STK26: variants seen among roughly 807,000 people sequenced by gnomAD.
STK26 encodes serine/threonine-protein kinase 26.
In STK26, 14 loss-of-function variants were observed where a neutral mutation model predicts 34.7. That is an observed-to-expected ratio of 0.40 (90% CI 0.27 to 0.63). STK26 has a LOEUF of 0.63. Among genes scored for constraint, STK26 ranks in the 30% least tolerant of loss-of-function variants. STK26 has a pLI of 0.38. For synonymous variants in STK26, 100 were observed against 109.8 expected (o/e 0.91, Z 0.56); for missense variants, 226 against 309.1 (o/e 0.73, Z 2.02).
intron 2 of STK26, among the ~76,000 whole-genome samples, chrX:132,041,477 TA>T (rs1356723763): frequency 9.0e-6 from 1 of 111,708 alleles, no homozygotes; most frequent in Non-Finnish European, 1.9e-5. Context: ...ACTCAAGTTG[TA>T]AATTACTGAT....
intron 9 of STK26, 88 bp from the exon 10 acceptor site, chrX:132,072,725 T>C: frequency 1.0e-6 from 1 of 967,439 alleles, no homozygotes. Context: ...CAGTAGGGGA[T>C]TCAAATTAGT....
At chrX:132,043,270 G>C (rs1372828744) in intron 2 of STK26, among the ~76,000 whole-genome samples, 1 of 111,796 alleles carries the variant, frequency 8.9e-6, no homozygotes, top group Non-Finnish European at 1.9e-5. Flanking sequence ...CTAACCAAAG[G>C]CATTTATTTC....
intron 4 of STK26, among the ~76,000 whole-genome samples, chrX:132,065,949 T>C (rs1422908573): frequency 9.0e-6 from 1 of 111,672 alleles, no homozygotes; most frequent in African/African-American, 3.3e-5. Context: ...ATAAATGCTA[T>C]CATTTGGGGG....
In STK26 at chrX:132,071,155, T is replaced by G. The variant is rs1427897950; in HGVS notation, c.870T>G (p.Arg290=). 1 of 1,208,392 alleles carries G rather than the reference T, an allele frequency of 8.3e-7. No individual in the cohort carries two copies. The highest frequency in any genetic ancestry group is 1.1e-6 in the Non-Finnish European group (1 of 893,699). ...KTSYLTELID[R]FKRWKAEGHS... ...CTTATCTGACTGAACTGATAGATCG[T>G]TTTAAGAGATGGAAGGCAGAAGGAC... The change falls in exon 8 of 12, where the codon CGT becomes CGG. Residue 290 remains arginine (R), a synonymous_variant. Coordinates refer to ENST00000394334, the MANE Select transcript of STK26 (RefSeq NM_016542.4).
intron 7 of STK26, 96 bp downstream of exon 7, chrX:132,069,759 T>A: frequency 1.9e-6 from 1 of 528,477 alleles, no homozygotes; most frequent in Non-Finnish European, 2.6e-6. Context: ...ACAGTGTATG[T>A]GAGAATTGTC....
intron 4 of STK26, among the ~76,000 whole-genome samples, chrX:132,065,444 C>G (rs1927189963): frequency 2.7e-5 from 3 of 111,694 alleles, no homozygotes. Context: ...CTAGGCCACT[C>G]TGTTCAACAG....
chrX:132,063,489 TGTAA>T lies in STK26; in HGVS notation c.330+4_330+7del. The stretch of plus-strand genomic sequence containing the variant: ...TGGGCGGTGGTTCAGCACTGGATCT[TGTAA>T]GTATTTTAAAATAGTTACACACAGA... On this transcript the variant is annotated splice_donor_variant and splice_donor_region_variant and intron_variant, in intron 4 of 11. Coordinates refer to ENST00000394334, the MANE Select transcript of STK26 (RefSeq NM_016542.4). LOFTEE classifies it high-confidence loss of function. The T allele has an allele frequency of 1.7e-6, 2 of 1,203,074 alleles. No individual in the cohort carries two copies. Among genetic ancestry groups the T allele is most frequent in the Non-Finnish European group, 2.2e-6 (2 of 889,758 alleles).
intron 4 of STK26, 61 bp downstream of exon 4, chrX:132,063,550 T>G: frequency 1.9e-6 from 2 of 1,047,632 alleles, no homozygotes; most frequent in South Asian, 4.3e-5. Flanking sequence ...ATACCTTAAT[T>G]TTTTAAATTG....
chrX:132,036,913 A>G (rs1926073151), intron 2 of STK26, among the ~76,000 whole-genome samples: 1 of 112,420 alleles, frequency 8.9e-6, no homozygotes, highest in Non-Finnish European at 1.9e-5. Flanking sequence ...AATAGTAGTT[A>G]CAACTATTTT....
chrX:132,027,092 A>G (rs941265663), intron 2 of STK26, among the ~76,000 whole-genome samples: 2 of 112,238 alleles, frequency 1.8e-5, no homozygotes, highest in Admixed American at 9.4e-5. Flanking sequence ...CACTGTAAGT[A>G]TAATAGAAGT....
intron 2 of STK26, among the ~76,000 whole-genome samples, chrX:132,035,780 C>T (rs1265217645): frequency 9.8e-6 from 1 of 101,658 alleles, no homozygotes. Flanking sequence ...ATTATTATGT[C>T]CCCCCCTCAA....
chrX:132,024,833 T>C (rs888053201), intron 2 of STK26, among the ~76,000 whole-genome samples: 1 of 109,540 alleles, frequency 9.1e-6, no homozygotes, highest in African/African-American at 3.3e-5. Context: ...TGGGATTTAT[T>C]TGTGCACCTA....
intron 2 of STK26, among the ~76,000 whole-genome samples, chrX:132,024,454 A>T (rs2124114371): frequency 8.9e-6 from 1 of 111,896 alleles, no homozygotes; most frequent in East Asian, 2.8e-4. Flanking sequence ...CTATGTCAGA[A>T]AACTTTTTAT....
intron 4 of STK26, among the ~76,000 whole-genome samples, chrX:132,065,632 TAAC>T (rs1927196089): frequency 8.9e-6 from 1 of 112,454 alleles, no homozygotes; most frequent in Non-Finnish European, 1.9e-5. Flanking sequence ...TAGCCATTAA[TAAC>T]AGTTTCAATG....
Position 132,028,308 on chromosome X carries a change from T to TA in STK26, c.42+4652dup, listed in dbSNP as rs377008710. 6.0e-3 allele frequency among the ~76,000 whole-genome samples: 667 copies of TA among 111,393 alleles called. 5 individuals carry two copies. The highest frequency in any genetic ancestry group is 0.021 in the African/African-American group (635 of 30,564). On this transcript the variant is annotated intron_variant, in intron 2 of 11. Coordinates refer to ENST00000394334, the MANE Select transcript of STK26 (RefSeq NM_016542.4). ...ATTAGCTAGTTTCAGAAGGAAAAGT[T>TA]AAAGACTGTGGTGTTTAATAGGAGG...
chrX:132,046,103 A>G (rs1377752760), intron 2 of STK26, among the ~76,000 whole-genome samples: 2 of 112,045 alleles, frequency 1.8e-5, no homozygotes, highest in African/African-American at 6.5e-5. Context: ...GTGACAATAG[A>G]ATCAAAGAAA....
chrX:132,051,508 T>C (rs936829269), intron 2 of STK26, among the ~76,000 whole-genome samples: 1 of 111,753 alleles, frequency 8.9e-6, no homozygotes, highest in African/African-American at 3.3e-5. Flanking sequence ...AGCTCTTTTT[T>C]TGGGGCAGCT....
chrX:132,073,494 T>C (rs2124198213), intron 11 of STK26, among the ~76,000 whole-genome samples: 1 of 111,864 alleles, frequency 8.9e-6, no homozygotes, highest in South Asian at 3.7e-4. Context: ...TTCCTACGTT[T>C]GATCTCCATA....
intron 2 of STK26, among the ~76,000 whole-genome samples, chrX:132,045,452 A>C (rs1926465661): frequency 8.9e-6 from 1 of 111,947 alleles, no homozygotes; most frequent in Non-Finnish European, 1.9e-5. Flanking sequence ...GCAGTAAGGG[A>C]TTTAAAGATT....
Sources: gnomAD v4.1 joint callset for allele counts (sites outside exome capture counted in the v4.1 genomes callset) on GRCh38, gnomAD v4.1.1 for gene constraint, MANE v1.5 for transcripts, NCBI Gene and HGNC (gene_info 2026-07-23, HGNC 2026-07-21) for gene names.